The following TMEM38B variants were observed in gnomAD, a reference collection of about 807,000 sequenced individuals.
The protein encoded by TMEM38B is trimeric intracellular cation channel type B.
A neutral mutation model predicts 28.7 loss-of-function variants in TMEM38B; 24 were observed. That is an observed-to-expected ratio of 0.84 (90% CI 0.61 to 1.18). The LOEUF is 1.18. TMEM38B is among the 50% of genes most tolerant of loss of function. TMEM38B has a pLI of 0.00. For missense variants in TMEM38B, 380 were observed against 350.9 expected (o/e 1.08, Z -0.66); for synonymous variants, 131 against 127.7 (o/e 1.03, Z -0.17).
At chr9:105,697,704 T>G (rs988980133) in intron 1 of TMEM38B, among the ~76,000 whole-genome samples, 3 of 152,166 alleles carry the variant, frequency 2.0e-5, no homozygotes, top group Non-Finnish European at 4.4e-5. Flanking sequence ...ATCTTTAACT[T>G]TGTTTATATT....
At chr9:105,725,289 C>T (rs1272846366) in intron 4 of TMEM38B, among the ~76,000 whole-genome samples, 3 of 150,994 alleles carry the variant, frequency 2.0e-5, no homozygotes, top group Non-Finnish European at 4.4e-5. Flanking sequence ...GCTCCTCCTC[C>T]CACCCTTCAA....
chr9:105,702,585 G>T (rs563824145), intron 1 of TMEM38B: 3 of 152,274 alleles, frequency 2.0e-5, no homozygotes, highest in East Asian at 3.9e-4. Flanking sequence ...CAGAATTTGG[G>T]ATTATTTTGT....
chr9:105,765,034 G>T (rs1826318890), intron 5 of TMEM38B, among the ~76,000 whole-genome samples: 1 of 152,184 alleles, frequency 6.6e-6, no homozygotes, highest in African/African-American at 2.4e-5. Flanking sequence ...GCCATATGTA[G>T]AAAGCTGAAA....
chr9:105,758,179 G>A, intron 5 of TMEM38B: 1 of 639,028 alleles, frequency 1.6e-6, no homozygotes, highest in Non-Finnish European at 2.8e-6. Context: ...GAGTTGGGGT[G>A]TGCCTCCCAG....
chr9:105,718,346 C>G (rs12346348), intron 2 of TMEM38B, among the ~76,000 whole-genome samples: 31,726 of 151,596 alleles, frequency 0.21, 5,126 homozygotes, highest in East Asian at 0.46. Flanking sequence ...TCAAGTGATT[C>G]TCCTGCCTCA....
Position 105,751,932 on chromosome 9 carries a change from G to A in TMEM38B, c.660+3742G>A, listed in dbSNP as rs573471581. Among the ~76,000 whole-genome samples the A allele has an allele frequency of 4.6e-5, 7 of 152,260 alleles. No homozygotes were observed. In the South Asian group the frequency reaches 8.3e-4, roughly 18 times the overall value. On this transcript the variant is annotated intron_variant, in intron 5 of 5. Coordinates refer to ENST00000374692, the MANE Select transcript of TMEM38B (RefSeq NM_018112.3). ...CACTTCAGAAGGGTTCTATTGGGAC[G>A]TAGCTCTCAGGGGGAGGAGTGGCCG...
chr9:105,753,333 A>G lies in TMEM38B; in HGVS notation c.660+5143A>G, dbSNP rs533523366. Among the ~76,000 whole-genome samples the G allele has an allele frequency of 6.6e-5, 10 of 152,286 alleles. No homozygotes were observed. The South Asian group carries it at 8.3e-4, about 13-fold the overall frequency. ...TCCAGGGAACCCAGTTAGATACTCCATGAGAAGTTCAACCCCAAGACACAT... is the reference window on the plus strand; with the variant it reads ...TCCAGGGAACCCAGTTAGATACTCCGTGAGAAGTTCAACCCCAAGACACAT... On this transcript the variant is annotated intron_variant, in intron 5 of 5. Coordinates refer to ENST00000374692, the MANE Select transcript of TMEM38B (RefSeq NM_018112.3).
At chr9:105,752,293 C>T (rs1168560492) in intron 5 of TMEM38B, among the ~76,000 whole-genome samples, 1 of 152,152 alleles carries the variant, frequency 6.6e-6, no homozygotes, top group Non-Finnish European at 1.5e-5. Context: ...GAAGGTCTCC[C>T]CCAGTGCAGC....
At chr9:105,710,983 C>T (rs1221960736) in intron 2 of TMEM38B, among the ~76,000 whole-genome samples, 3 of 152,136 alleles carry the variant, frequency 2.0e-5, no homozygotes, top group Admixed American at 6.5e-5. Flanking sequence ...CGCAAGATCA[C>T]CAGGCAGCTG....
At chr9:105,743,917 A>C (rs1023963851) in intron 4 of TMEM38B, among the ~76,000 whole-genome samples, 3 of 152,214 alleles carry the variant, frequency 2.0e-5, no homozygotes, top group African/African-American at 7.2e-5. Context: ...AATATGTTTC[A>C]GAAATATTGT....
At chr9:105,760,607 T>C (rs1838006415) in intron 5 of TMEM38B, 3 of 769,758 alleles carry the variant, frequency 3.9e-6, no homozygotes, top group African/African-American at 1.7e-5. Flanking sequence ...AGAAAAAAAC[T>C]AAAACAGTTT....
Position 105,774,100 on chromosome 9 carries a change from C to T in TMEM38B, c.*20C>T. On this transcript the variant is annotated 3_prime_UTR_variant, in exon 6 of 6. Coordinates refer to ENST00000374692, the MANE Select transcript of TMEM38B (RefSeq NM_018112.3). ...GAATAAATTTACGTGATGAGCTCTA[C>T]AAGGCCAAAAATTTTTTTTCTTATC... 6.2e-7 allele frequency: 1 copy of T among 1,604,876 alleles called. No individual in the cohort carries two copies. Among genetic ancestry groups the T allele is most frequent in the Non-Finnish European group, 8.5e-7 (1 of 1,175,912 alleles).
intron 4 of TMEM38B, among the ~76,000 whole-genome samples, chr9:105,724,260 C>G (rs891759042): frequency 1.3e-5 from 2 of 152,058 alleles, no homozygotes; most frequent in African/African-American, 4.8e-5. Context: ...CTGTAATAAG[C>G]AAGGTGAGGA....
chr9:105,715,590 C>A (rs1836068880), intron 2 of TMEM38B, among the ~76,000 whole-genome samples: 1 of 151,942 alleles, frequency 6.6e-6, no homozygotes, highest in South Asian at 2.1e-4. Context: ...AAAAAATTAA[C>A]CTGCTTTTCA....
At chr9:105,703,743 A>C (rs1048257743) in intron 1 of TMEM38B, among the ~76,000 whole-genome samples, 1 of 151,740 alleles carries the variant, frequency 6.6e-6, no homozygotes, top group African/African-American at 2.4e-5. Flanking sequence ...TGCCATTCTA[A>C]GTGGTGTGAG....
chr9:105,761,903 ACT>A (rs1228564611), intron 5 of TMEM38B, among the ~76,000 whole-genome samples: 4 of 152,098 alleles, frequency 2.6e-5, no homozygotes, highest in Non-Finnish European at 4.4e-5. Flanking sequence ...TGGCACATTG[ACT>A]TTATTTTTTC....
At chr9:105,719,127 T>C (rs949670796) in intron 2 of TMEM38B, among the ~76,000 whole-genome samples, 4 of 152,198 alleles carry the variant, frequency 2.6e-5, no homozygotes, top group Admixed American at 2.6e-4. Flanking sequence ...TGCCTAACTT[T>C]TTGTATATAC....
intron 4 of TMEM38B, among the ~76,000 whole-genome samples, chr9:105,741,449 T>C (rs112338342): frequency 1.3e-3 from 201 of 152,276 alleles, no homozygotes; most frequent in African/African-American, 4.6e-3. Context: ...AAATATATAG[T>C]CTTTGATAAT....
chr9:105,759,108 G>A, intron 5 of TMEM38B: 2 of 785,198 alleles, frequency 2.5e-6, no homozygotes, highest in South Asian at 2.7e-5. Context: ...AAGAAGTGAT[G>A]ATACGAATAA....
Sources: gnomAD v4.1 joint callset for allele counts (sites outside exome capture counted in the v4.1 genomes callset) on GRCh38, gnomAD v4.1.1 for gene constraint, MANE v1.5 for transcripts, NCBI Gene and HGNC (gene_info 2026-07-23, HGNC 2026-07-21) for gene names.